Variants in RAI1 observed in about 807,000 individuals in gnomAD.
The protein encoded by RAI1 is retinoic acid induced 1, also known as retinoic acid-induced protein 1.
Under a neutral mutation model 123.8 loss-of-function variants are expected in RAI1, and 9 were observed. That is an observed-to-expected ratio of 0.07 (90% CI 0.04 to 0.13). The LOEUF (loss-of-function observed/expected upper bound fraction) is 0.13. Among genes scored for constraint, RAI1 ranks in the 10% least tolerant of loss-of-function variants. The probability of loss-of-function intolerance (pLI) is 1.00; values close to 1 mark genes in which losing one functional copy is unlikely to be tolerated. For synonymous variants in RAI1, 1,231 were observed against 1,127.3 expected (o/e 1.09, Z -1.84); for missense variants, 2,256 against 2,545.8 (o/e 0.89, Z 2.45).
At chr17:17,704,550 TC>T (rs903045813) in intron 1 of RAI1, among the ~76,000 whole-genome samples, 1 of 152,142 alleles carries the variant, frequency 6.6e-6, no homozygotes, top group African/African-American at 2.4e-5. Flanking sequence ...AGACAGGAGT[TC>T]CGATCTCAAC....
At chr17:17,805,586 C>T (rs1464856084) in intron 4 of RAI1, among the ~76,000 whole-genome samples, 1 of 152,204 alleles carries the variant, frequency 6.6e-6, no homozygotes, top group East Asian at 1.9e-4. Flanking sequence ...CAGCCTGTAC[C>T]CCACCTGCCT....
At chr17:17,694,787 C>T (rs1914959876) in intron 1 of RAI1, among the ~76,000 whole-genome samples, 1 of 150,168 alleles carries the variant, frequency 6.7e-6, no homozygotes, top group Admixed American at 6.6e-5. Context: ...GCTCGCGTCG[C>T]CATGGCAGCG....
intron 1 of RAI1, among the ~76,000 whole-genome samples, chr17:17,719,129 G>A (rs1280265042): frequency 1.3e-5 from 2 of 152,122 alleles, no homozygotes; most frequent in African/African-American, 4.8e-5. Flanking sequence ...AGGCTTCTGT[G>A]CTCCTGCCCT....
At chr17:17,754,191 C>CTTTTTTTTTTT (rs1158475382) in intron 2 of RAI1, among the ~76,000 whole-genome samples, 4 of 75,720 alleles carry the variant, frequency 5.3e-5, no homozygotes, top group African/African-American at 1.7e-4. Flanking sequence ...CTAACCCAAT[C>CTTTTTTTTTTT]TTTTTTTTTT....
At chr17:17,761,237 G>C (rs1452738138) in intron 2 of RAI1, among the ~76,000 whole-genome samples, 4 of 147,680 alleles carry the variant, frequency 2.7e-5, no homozygotes, top group East Asian at 1.9e-4. Flanking sequence ...AAATGAAAAT[G>C]GTTCTTCTAA....
intron 1 of RAI1, among the ~76,000 whole-genome samples, chr17:17,709,062 A>T (rs1291704476): frequency 6.6e-6 from 1 of 152,166 alleles, no homozygotes; most frequent in Non-Finnish European, 1.5e-5. Flanking sequence ...AGGGAAGGAG[A>T]GGAGCCCATT....
chr17:17,710,644 T>C (rs1915537974), intron 1 of RAI1, among the ~76,000 whole-genome samples: 1 of 152,196 alleles, frequency 6.6e-6, no homozygotes, highest in African/African-American at 2.4e-5. Context: ...ACCTGGCAGA[T>C]GTGCCCCTTG....
At chr17:17,740,798 CA>C (rs1916600021) in intron 2 of RAI1, among the ~76,000 whole-genome samples, 1 of 152,220 alleles carries the variant, frequency 6.6e-6, no homozygotes, top group African/African-American at 2.4e-5. Flanking sequence ...AGCCCCAGGA[CA>C]GATCCCGTTT....
At chr17:17,720,914 T>A (rs368670512) in intron 1 of RAI1, among the ~76,000 whole-genome samples, 1 of 151,586 alleles carries the variant, frequency 6.6e-6, no homozygotes, top group African/African-American at 2.4e-5. Flanking sequence ...CTCCAGGGAG[T>A]CCCCAGGGAG....
chr17:17,695,418 C>G (rs1348522375), intron 1 of RAI1, among the ~76,000 whole-genome samples: 1 of 152,176 alleles, frequency 6.6e-6, no homozygotes, highest in Non-Finnish European at 1.5e-5. Flanking sequence ...CTGGGGGAGC[C>G]TCTTCCAGAA....
chr17:17,772,665 C>T (rs143877323), intron 2 of RAI1, among the ~76,000 whole-genome samples: 61 of 152,316 alleles, frequency 4.0e-4, no homozygotes, highest in African/African-American at 1.2e-3. Flanking sequence ...TTGCTAACTC[C>T]GGCACATCCC....
intron 2 of RAI1, among the ~76,000 whole-genome samples, chr17:17,726,022 G>A (rs1179523443): frequency 6.6e-6 from 1 of 152,174 alleles, no homozygotes; most frequent in Admixed American, 6.5e-5. Flanking sequence ...ACTGGAGCTA[G>A]CAGATTCTAG....
rs2044656096 is a variant in RAI1 at position 17,714,221 on chromosome 17, G to T, written c.-148-9807G>T. Among the ~76,000 whole-genome samples, 1 of 152,024 alleles carries T rather than the reference G, an allele frequency of 6.6e-6. No individual in the cohort carries two copies. Among genetic ancestry groups the T allele is most frequent in the African/African-American group, 2.4e-5 (1 of 41,388 alleles). On this transcript the variant is annotated intron_variant, in intron 1 of 5. Coordinates refer to ENST00000353383, the MANE Select transcript of RAI1 (RefSeq NM_030665.4). This position sits in a 1 kb window ranked among gnomAD's most constrained non-coding sequence, Gnocchi z 4.9. ...TCCCTCTCTGAACCCCAGTTTCTGGGTCTGCAGAAGGGGGCTCCCAGGCCT... is the reference window on the plus strand; with the variant it reads ...TCCCTCTCTGAACCCCAGTTTCTGGTTCTGCAGAAGGGGGCTCCCAGGCCT...
chr17:17,712,051 T>C (rs915208576), intron 1 of RAI1, among the ~76,000 whole-genome samples: 1 of 152,208 alleles, frequency 6.6e-6, no homozygotes, highest in Non-Finnish European at 1.5e-5. Flanking sequence ...AGGCACAGTG[T>C]GGTTTAAACC....
chr17:17,778,989 C>A (rs1453612771), intron 2 of RAI1: 2 of 433,080 alleles, frequency 4.6e-6, no homozygotes, highest in Middle Eastern at 6.8e-4. Flanking sequence ...TCTGTTCACT[C>A]TGGGAGAAAA....
intron 1 of RAI1, among the ~76,000 whole-genome samples, chr17:17,716,315 A>G (rs1915709871): frequency 6.6e-6 from 1 of 152,252 alleles, no homozygotes; most frequent in South Asian, 2.1e-4. Context: ...AAGGCAGGTG[A>G]CTGACACTTG....
rs769075860 is a variant in RAI1, at chr17:17,797,260, G to T, written c.4312G>T (p.Gly1438Trp). Residue 1438 changes from glycine to tryptophan, a missense_variant, in exon 3 of 6, where the codon GGG becomes TGG. Physicochemically the swap from Gly to Trp is radical, Grantham distance 184. Coordinates refer to ENST00000353383, the MANE Select transcript of RAI1 (RefSeq NM_030665.4). ...CACATCCCCGGAGGCCCTGCAGCCT[G>T]GGGGGACTGCCCTGGCGCCTAAGAA... The part of the protein sequence containing the change: ...AFTSPEALQP[G>W]GTALAPKKRS... 3 of 1,612,382 alleles carry T rather than the reference G, an allele frequency of 1.9e-6. No individual in the cohort carries two copies. Among genetic ancestry groups the T allele is most frequent in the South Asian group, 2.2e-5 (2 of 91,056 alleles).
At position 17,714,794 on chromosome 17, in the gene RAI1, C is replaced by T. The variant is rs1488147619; in HGVS notation, c.-148-9234C>T. 6.6e-5 allele frequency among the ~76,000 whole-genome samples: 10 copies of T among 152,188 alleles called. No individual in the cohort carries two copies. Among genetic ancestry groups the T allele is most frequent in the Non-Finnish European group, 1.5e-4 (10 of 68,032 alleles). The stretch of plus-strand genomic sequence containing the variant: ...GGCTGAGCTCGGGCCATCCACTTGT[C>T]GTGGTGGGTGAAGGGTCTGGTCCGC... On this transcript the variant is annotated intron_variant, in intron 1 of 5. Transcript: ENST00000353383. The surrounding 1 kb of genome is among the most constrained non-coding windows in gnomAD (Gnocchi z 4.9).
chr17:17,745,736 G>A (rs1372452887), intron 2 of RAI1, among the ~76,000 whole-genome samples: 2 of 152,194 alleles, frequency 1.3e-5, no homozygotes, highest in African/African-American at 4.8e-5. Context: ...AGCTGGTCCA[G>A]CATGTGTTTT....
Sources: gnomAD v4.1 joint callset for allele counts (sites outside exome capture counted in the v4.1 genomes callset) on GRCh38, gnomAD v4.1.1 for gene constraint, Gnocchi (gnomAD v3.1) non-coding constraint, MANE v1.5 for transcripts, NCBI Gene and HGNC (gene_info 2026-07-23, HGNC 2026-07-21) for gene names.